Variants in EP400 observed in about 807,000 individuals in gnomAD.
EP400 encodes the protein E1A binding protein p400.
In EP400, 105 loss-of-function variants were observed where a neutral mutation model predicts 354.1. That is an observed-to-expected ratio of 0.30 (90% CI 0.25 to 0.35). The LOEUF is 0.35. EP400 is among the 10% of genes least tolerant of loss of function. EP400 has a pLI of 1.00. For synonymous variants in EP400, 1,646 were observed against 1,716.9 expected, an observed-to-expected ratio of 0.96 and a Z score of 1.02; for missense variants, 3,280 against 4,121.0, an observed-to-expected ratio of 0.80 and a Z score of 5.59.
chr12:132,021,080 A>T lies in EP400; in HGVS notation c.4449A>T (p.Ala1483=). ...ATFSANPEAK[A]AAAPFQTSQA... ...ACAAACAAACCTTATCGATTGCAGC[A>T]GCAGCAGCCCCGTTTCAGACCTCTC... The change falls in exon 23 of 53, where the codon GCA becomes GCT. Residue 1483 remains alanine, a splice_region_variant and synonymous_variant. Transcript: ENST00000389561. The T allele has an allele frequency of 6.3e-7, 1 of 1,594,580 alleles. No individual in the cohort carries two copies. Among genetic ancestry groups the T allele is most frequent in the Non-Finnish European group, 8.5e-7 (1 of 1,176,582 alleles).
intron 19 of EP400, among the ~76,000 whole-genome samples, chr12:132,014,234 G>T (rs2136534095): frequency 6.6e-6 from 1 of 152,350 alleles, no homozygotes; most frequent in South Asian, 2.1e-4. Flanking sequence ...CATCCGGGAG[G>T]GATGGTGATT....
Position 131,994,763 on chromosome 12 carries a change from T to A in EP400, c.2738-104T>A. The A allele has an allele frequency of 1.1e-6, 1 of 879,574 alleles. No individual in the cohort carries two copies. Among genetic ancestry groups the A allele is most frequent in the Non-Finnish European group, 1.7e-6 (1 of 573,536 alleles). 54.5% of individuals were successfully genotyped at this position (879,574 alleles called of 1,614,324 possible). ...AGTTTAAAAGCTCAGTTTCAATTTC[T>A]GTAATAGCTATGCAAAATAATTTCG... On this transcript the variant is annotated intron_variant, in intron 11 of 52. Coordinates refer to ENST00000389561, the MANE Select transcript of EP400 (RefSeq NM_015409.5). This position sits in a 1 kb window ranked among gnomAD's most constrained non-coding sequence, Gnocchi z 4.6.
Position 132,067,093 on chromosome 12 carries a change from C to T in EP400, c.8749+124C>T, listed in dbSNP as rs957001047. 7 of 1,288,592 alleles carry T rather than the reference C, an allele frequency of 5.4e-6. No homozygotes were observed. Among genetic ancestry groups the T allele is most frequent in the East Asian group, 2.6e-5 (1 of 38,026 alleles). 79.8% of individuals were successfully genotyped at this position (1,288,592 alleles called of 1,614,324 possible). On this transcript the variant is annotated intron_variant, in intron 49 of 52. Coordinates refer to ENST00000389561, the MANE Select transcript of EP400 (RefSeq NM_015409.5). The surrounding 1 kb of genome is among the most constrained non-coding windows in gnomAD (Gnocchi z 5.3). Reference sequence around the variant, plus strand: ...ACCCACCCACTTGAGCGTGCCATCACGTGTTCTAGCACAAACGTGCCTTGG... The same window carrying T: ...ACCCACCCACTTGAGCGTGCCATCATGTGTTCTAGCACAAACGTGCCTTGG...
chr12:132,024,958 A>G (rs922142945), intron 24 of EP400, among the ~76,000 whole-genome samples: 10 of 151,998 alleles, frequency 6.6e-5, no homozygotes, highest in Admixed American at 3.3e-4. Context: ...TTTCATCATC[A>G]GTAGGGTGAG....
In EP400 at chr12:131,990,498, A is replaced by G; in HGVS notation, c.2551-138A>G. ...GGCAGGATGTAGTTAGTATGAAATA[A>G]ATGAAAAAGCACCAAACTGACGAGG... On this transcript the variant is annotated intron_variant, in intron 8 of 52. Coordinates refer to ENST00000389561, the MANE Select transcript of EP400 (RefSeq NM_015409.5). This position sits in a 1 kb window ranked among gnomAD's most constrained non-coding sequence, Gnocchi z 4.2. The G allele has an allele frequency of 1.5e-6, 1 of 665,372 alleles. No homozygotes were observed. The highest frequency in any genetic ancestry group is 2.6e-6 in the Non-Finnish European group (1 of 391,620). The allele number at this position is 665,372 out of a possible 1,614,324, so 41.2% of individuals were successfully genotyped here.
rs998458735 is a variant in EP400, at chr12:131,992,192, G to A, written c.2699G>A (p.Arg900Lys). 2 of 1,609,370 alleles carry A rather than the reference G, an allele frequency of 1.2e-6. No homozygotes were observed. Among genetic ancestry groups the A allele is most frequent in the Non-Finnish European group, 1.7e-6 (2 of 1,179,974 alleles). Residue 900 changes from arginine to lysine, a missense_variant, in exon 11 of 53, where the codon AGA becomes AAA. Arg to Lys is a conservative substitution (Grantham distance 26). Transcript: ENST00000389561. ...TTTCAGGATTCAGGAATGTCTGGAA[G>A]AAAAAGAAAAGCTAGCATATCTTTG... ...ESSLDSGMSG[R>K]KRKASISLTD...
rs767295541 is a variant in EP400 at position 132,021,071 on chromosome 12, G to A, written c.4448-8G>A. The A allele has an allele frequency of 2.8e-5, 44 of 1,589,494 alleles. No homozygotes were observed. Among genetic ancestry groups the A allele is most frequent in the Middle Eastern group, 3.3e-4 (2 of 6,026 alleles). On this transcript the variant is annotated splice_region_variant and splice_polypyrimidine_tract_variant and intron_variant, in intron 22 of 52. Transcript: ENST00000389561. ...CAGCTTTGCACAAACAAACCTTATCGATTGCAGCAGCAGCAGCCCCGTTTC... is the reference window on the plus strand; with the variant it reads ...CAGCTTTGCACAAACAAACCTTATCAATTGCAGCAGCAGCAGCCCCGTTTC...
Position 131,986,826 on chromosome 12 carries a change from G to A in EP400, c.2223+19G>A. 3 of 1,579,454 alleles carry A rather than the reference G, an allele frequency of 1.9e-6. No individual in the cohort carries two copies. The highest frequency in any genetic ancestry group is 2.6e-6 in the Non-Finnish European group (3 of 1,162,048). On this transcript the variant is annotated intron_variant, in intron 6 of 52. Coordinates refer to ENST00000389561, the MANE Select transcript of EP400 (RefSeq NM_015409.5). Reference sequence around the variant, plus strand: ...AACTCTGGTAAGCATGCTTAAGAAAGTTGTAAAATGTACTCCAGTTGGTGA... The same window carrying A: ...AACTCTGGTAAGCATGCTTAAGAAAATTGTAAAATGTACTCCAGTTGGTGA...
rs542350095 is a variant in EP400, at chr12:132,064,707, C to T, written c.8374C>T (p.Pro2792Ser). The T allele has an allele frequency of 6.4e-5, 103 of 1,613,234 alleles. 1 individual carries two copies. In the South Asian group the frequency reaches 8.5e-4, roughly 13 times the overall value. ...AATGCAGAAGCAGAAACTGCAGATGCCCCCGCAGCCCCCACCGCCACAGGC... is the reference window on the plus strand; with the variant it reads ...AATGCAGAAGCAGAAACTGCAGATGTCCCCGCAGCCCCCACCGCCACAGGC... The part of the protein sequence containing the change: ...IKMQKQKLQM[P>S]PQPPPPQAQS... The change falls in exon 48 of 53, where the codon CCC becomes TCC. Residue 2792 changes from proline (P) to serine (S), a missense_variant. Physicochemically the swap from Pro to Ser is moderately conservative, Grantham distance 74. Around this residue, in one of 20 missense-constraint regions of EP400, gnomAD observed 86 missense variants for 66.4 expected, o/e 1.29. Transcript: ENST00000389561.
intron 30 of EP400, 99 bp from the exon 31 acceptor site, chr12:132,037,582 AG>A (rs1311887972): frequency 1.1e-6 from 1 of 887,360 alleles, no homozygotes; most frequent in African/African-American, 1.6e-5. Context: ...TAGCTGGAGG[AG>A]GGACGTGGAT....
At position 132,055,431 on chromosome 12, in the gene EP400, A is replaced by ATGTGTG. The variant is rs137860664; in HGVS notation, c.7884+234_7884+239dup. Among the ~76,000 whole-genome samples the ATGTGTG allele has an allele frequency of 1.2e-3, 169 of 144,560 alleles. 1 individual carries two copies. The highest frequency in any genetic ancestry group is 4.1e-3 in the African/African-American group (158 of 38,676). The allele number at this position is 144,560 out of a possible 152,430, so 94.8% of individuals were successfully genotyped here. On this transcript the variant is annotated intron_variant, in intron 45 of 52. Coordinates refer to ENST00000389561, the MANE Select transcript of EP400 (RefSeq NM_015409.5). ...ATGAGGGATGAAAATGAGGTGGGGT[A>ATGTGTG]TGTGTGTGTGTGTGTGGTGTAGGGG... is the stretch of plus-strand genomic sequence containing the variant.
intron 11 of EP400, among the ~76,000 whole-genome samples, chr12:131,993,168 A>G (rs1310606799): frequency 1.3e-5 from 2 of 152,200 alleles, no homozygotes; most frequent in African/African-American, 2.4e-5. Context: ...CTGAGACTAC[A>G]GGTGCGGACT....
intron 51 of EP400, among the ~76,000 whole-genome samples, chr12:132,072,883 CTT>C (rs1462731659): frequency 6.6e-6 from 1 of 152,214 alleles, no homozygotes; most frequent in Non-Finnish European, 1.5e-5. Context: ...TGAAATGACT[CTT>C]ACTGTCTTCA....
intron 9 of EP400, 67 bp from the exon 10 acceptor site, chr12:131,991,340 G>C: frequency 6.4e-7 from 1 of 1,558,240 alleles, no homozygotes. Flanking sequence ...ACCCTGCCTG[G>C]AAAGCAGAGA....
intron 3 of EP400, among the ~76,000 whole-genome samples, chr12:131,980,917 G>T (rs1892659963): frequency 6.6e-6 from 1 of 152,212 alleles, no homozygotes; most frequent in African/African-American, 2.4e-5. Context: ...CGCAGATGTA[G>T]TTAAGTAATA....
intron 2 of EP400, among the ~76,000 whole-genome samples, chr12:131,968,635 G>T (rs1472850561): frequency 6.6e-6 from 1 of 152,136 alleles, no homozygotes; most frequent in Admixed American, 6.6e-5. Flanking sequence ...GATTAGAATT[G>T]TGTTGCGTCC....
At chr12:132,012,058 C>A (rs543559877) in intron 16 of EP400, among the ~76,000 whole-genome samples, 15 of 152,310 alleles carry the variant, frequency 9.8e-5, no homozygotes, top group Admixed American at 7.8e-4. Context: ...GTTTCTGGAA[C>A]AAATTTTAAC....
At chr12:131,963,482 G>A in intron 2 of EP400, 1 of 1,361,958 alleles carries the variant, frequency 7.3e-7, no homozygotes, top group Non-Finnish European at 1.0e-6. Context: ...AAAATTTTGA[G>A]CAGTTGTAAA....
In EP400 at chr12:132,050,310, A is replaced by C. The variant is rs761788965; in HGVS notation, c.7201-13A>C. 20 of 1,613,970 alleles carry C rather than the reference A, an allele frequency of 1.2e-5. No homozygotes were observed. Among genetic ancestry groups the C allele is most frequent in the Non-Finnish European group, 1.6e-5 (19 of 1,179,958 alleles). On this transcript the variant is annotated splice_polypyrimidine_tract_variant and intron_variant, in intron 39 of 52. Transcript: ENST00000389561. The surrounding 1 kb of genome is among the most constrained non-coding windows in gnomAD (Gnocchi z 4.8). ...TGCCTAATTCAGATGCACTCTCGTC[A>C]ATTTCATTGCAGAGTAAAAACAACC...
Sources: gnomAD v4.1 joint callset for allele counts (sites outside exome capture counted in the v4.1 genomes callset) on GRCh38, gnomAD v4.1.1 for gene constraint, gnomAD v4.1.1 regional missense constraint, Gnocchi (gnomAD v3.1) non-coding constraint, MANE v1.5 for transcripts, NCBI Gene and HGNC (gene_info 2026-07-23, HGNC 2026-07-21) for gene names.